Variants in LNPEP observed in about 807,000 individuals in gnomAD.
The protein encoded by LNPEP is leucyl-cystinyl aminopeptidase.
A neutral mutation model predicts 120.6 loss-of-function variants in LNPEP; 64 were observed. The ratio of observed to expected loss-of-function variants is 0.53; its 90% CI spans 0.43 to 0.65. LNPEP has a LOEUF of 0.65. Ranked by LOEUF, LNPEP falls within the 30% of genes least tolerant of loss-of-function variation. The pLI, the probability that LNPEP is intolerant of heterozygous loss-of-function variation, is 0.00. For missense variants in LNPEP, 1,057 were observed against 1,200.0 expected, an observed-to-expected ratio of 0.88 and a Z score of 1.76; for synonymous variants, 435 against 425.4, an observed-to-expected ratio of 1.02 and a Z score of -0.28.
In LNPEP at chr5:97,029,389, C is replaced by A. The variant is rs917421813; in HGVS notation, c.*856C>A. On this transcript the variant is annotated 3_prime_UTR_variant, in exon 18 of 18. Coordinates refer to ENST00000231368, the MANE Select transcript of LNPEP (RefSeq NM_005575.3). ...TACTTTAGGTTAGTATTTCTACATTCGTGGCAAGCATTTTGGTAACACCAG... is the reference window on the plus strand; with the variant it reads ...TACTTTAGGTTAGTATTTCTACATTAGTGGCAAGCATTTTGGTAACACCAG... 1 of 152,266 alleles carries A rather than the reference C, an allele frequency of 6.6e-6. No homozygotes were observed. Among genetic ancestry groups the A allele is most frequent in the Non-Finnish European group, 1.5e-5 (1 of 68,026 alleles). The allele number at this position is 152,266 out of a possible 1,614,324, so 9.4% of individuals were successfully genotyped here.
At chr5:97,027,950 T>C in intron 17 of LNPEP, 136 bp downstream of exon 17, 2 of 634,224 alleles carry the variant, frequency 3.2e-6, no homozygotes, top group Admixed American at 2.7e-5. Flanking sequence ...TCAGTACTAA[T>C]GATTCTGCAT....
chr5:96,960,938 T>G (rs1789592393), intron 1 of LNPEP, among the ~76,000 whole-genome samples: 2 of 152,174 alleles, frequency 1.3e-5, no homozygotes, highest in African/African-American at 4.8e-5. Context: ...GAAACCATGT[T>G]GCTTGGTCTT....
chr5:96,972,922 A>T (rs1055374020), intron 1 of LNPEP, among the ~76,000 whole-genome samples: 1 of 152,068 alleles, frequency 6.6e-6, no homozygotes, highest in African/African-American at 2.4e-5. Flanking sequence ...CCTTACTTGG[A>T]TCTTGCTCCA....
chr5:96,949,435 G>T (rs937515483), intron 1 of LNPEP, among the ~76,000 whole-genome samples: 1 of 152,310 alleles, frequency 6.6e-6, no homozygotes, highest in Middle Eastern at 3.4e-3. Context: ...ATGATCTGAG[G>T]TGTTACAGTT....
intron 5 of LNPEP, among the ~76,000 whole-genome samples, chr5:96,993,466 A>G (rs1008164522): frequency 3.3e-5 from 5 of 152,218 alleles, no homozygotes; most frequent in Non-Finnish European, 7.3e-5. Context: ...GGAGCTCAGG[A>G]AAGCAAGAAC....
At position 97,034,782 on chromosome 5, in the gene LNPEP, C is replaced by T. The variant is rs1725887685; in HGVS notation, c.*6249C>T. On this transcript the variant is annotated 3_prime_UTR_variant, in exon 18 of 18. Transcript: ENST00000231368. ...TGTTAACTTCATTTTGAATCTGGTC[C>T]TTTGTATGACCACTTAGGTACTTAA... 2 of 151,808 alleles carry T rather than the reference C, an allele frequency of 1.3e-5. No homozygotes were observed. Among genetic ancestry groups the T allele is most frequent in the South Asian group, 4.2e-4 (2 of 4,818 alleles). The allele number at this position is 151,808 out of a possible 1,614,324, so 9.4% of individuals were successfully genotyped here.
chr5:96,964,343 A>G (rs926673189), intron 1 of LNPEP, among the ~76,000 whole-genome samples: 1 of 151,536 alleles, frequency 6.6e-6, no homozygotes, highest in African/African-American at 2.4e-5. Context: ...TCTATTTTTT[A>G]ATATAAAAAT....
chr5:96,960,772 G>A (rs981023381), intron 1 of LNPEP, among the ~76,000 whole-genome samples: 10 of 151,730 alleles, frequency 6.6e-5, no homozygotes, highest in Admixed American at 2.0e-4. Context: ...CAAATACCAT[G>A]TTTTACTGTT....
At chr5:96,973,551 A>G (rs947424970) in intron 1 of LNPEP, among the ~76,000 whole-genome samples, 1 of 152,160 alleles carries the variant, frequency 6.6e-6, no homozygotes, top group Non-Finnish European at 1.5e-5. Flanking sequence ...AAATAACAGT[A>G]TAACAACTAT....
chr5:96,976,711 T>TA (rs1485330554), intron 1 of LNPEP, among the ~76,000 whole-genome samples: 6 of 151,682 alleles, frequency 4.0e-5, no homozygotes, highest in Non-Finnish European at 4.4e-5. Flanking sequence ...CCATGTGTGG[T>TA]AAAAAAGTCA....
intron 1 of LNPEP, among the ~76,000 whole-genome samples, chr5:96,951,060 C>T (rs1253365103): frequency 1.3e-5 from 2 of 152,160 alleles, no homozygotes; most frequent in African/African-American, 4.8e-5. Context: ...TTGCAGAATG[C>T]TACCTTCTTG....
intron 1 of LNPEP, among the ~76,000 whole-genome samples, chr5:96,950,282 G>A (rs1439524096): frequency 2.0e-5 from 3 of 152,168 alleles, no homozygotes; most frequent in Admixed American, 6.5e-5. Flanking sequence ...GAGCTGCTGT[G>A]CGTTTGAGAC....
At chr5:97,013,403 C>T (rs929640390) in intron 11 of LNPEP, among the ~76,000 whole-genome samples, 1 of 152,144 alleles carries the variant, frequency 6.6e-6, no homozygotes, top group African/African-American at 2.4e-5. Flanking sequence ...AGAGACATAT[C>T]TACCTTGTTC....
At chr5:97,006,388 A>G (rs991629488) in intron 10 of LNPEP, 39 bp from the exon 11 acceptor site, 7 of 1,242,558 alleles carry the variant, frequency 5.6e-6, no homozygotes, top group Non-Finnish European at 8.0e-6. Context: ...AAAAAAAAAA[A>G]TCATATGTAA....
intron 1 of LNPEP, among the ~76,000 whole-genome samples, chr5:96,971,937 G>A (rs1789874447): frequency 6.6e-6 from 1 of 151,972 alleles, no homozygotes; most frequent in Non-Finnish European, 1.5e-5. Context: ...TAAATACAAT[G>A]CAATATCTGG....
At position 96,954,770 on chromosome 5, in the gene LNPEP, ATATTTTTTTTTTT is replaced by A. The variant is rs1380885866; in HGVS notation, c.19+18598_19+18610del. On this transcript the variant is annotated intron_variant, in intron 1 of 17. Transcript: ENST00000231368. ...TACACATATATATATATATATATAT[ATATTTTTTTTTTT>A]TTTTTTTTTTTTTTTTTGAGACAGA... is the stretch of plus-strand genomic sequence containing the variant. Among the ~76,000 whole-genome samples the A allele has an allele frequency of 2.0e-3, 58 of 29,484 alleles. 4 individuals carry two copies. Among genetic ancestry groups the A allele is most frequent in the African/African-American group, 7.1e-3 (55 of 7,788 alleles). 19.3% of individuals were successfully genotyped at this position (29,484 alleles called of 152,430 possible).
At chr5:96,988,398 G>A (rs1214913653) in intron 4 of LNPEP, among the ~76,000 whole-genome samples, 5 of 145,802 alleles carry the variant, frequency 3.4e-5, no homozygotes, top group Non-Finnish European at 6.0e-5. Flanking sequence ...AGTACAAGTG[G>A]CACAATTTCG....
Position 97,035,660 on chromosome 5 carries a change from CATTTGCTTCTTTCTTCCGCCATT to C in LNPEP, c.*7132_*7154del, listed in dbSNP as rs1264802561. 2 of 151,854 alleles carry C rather than the reference CATTTGCTTCTTTCTTCCGCCATT, an allele frequency of 1.3e-5. No homozygotes were observed. The highest frequency in any genetic ancestry group is 2.9e-5 in the Non-Finnish European group (2 of 67,950). 9.4% of individuals were successfully genotyped at this position (151,854 alleles called of 1,614,324 possible). On this transcript the variant is annotated 3_prime_UTR_variant, in exon 18 of 18. Transcript: ENST00000231368. ...TGCAAGTGTGTAGATGCATATATAT[CATTTGCTTCTTTCTTCCGCCATT>C]ATTTTCCTTTAACACTTAGTCCCTT...
At chr5:97,023,872 T>A (rs1422467313) in intron 14 of LNPEP, among the ~76,000 whole-genome samples, 1 of 152,212 alleles carries the variant, frequency 6.6e-6, no homozygotes, top group Non-Finnish European at 1.5e-5. Context: ...CTTGCCATTT[T>A]CTGGGTTTTT....
Sources: allele counts gnomAD v4.1 joint callset (sites outside exome capture counted in the v4.1 genomes callset), GRCh38; gene constraint gnomAD v4.1.1; transcripts MANE v1.5; gene names NCBI Gene and HGNC (gene_info 2026-07-23, HGNC 2026-07-21).